Variants in SPMIP5 observed in about 807,000 individuals in gnomAD.
SPMIP5 encodes the protein sperm-associated microtubule inner protein 5.
the SPMIP5 span, among the ~76,000 whole-genome samples, chr10:116,666,618 C>G: frequency 2.0e-5 from 3 of 152,096 alleles, no homozygotes; most frequent in Non-Finnish European, 1.5e-5. Flanking sequence ...GCAATCCTCA[C>G]CCCCAGAGCC....
chr10:116,665,526 T>G, the SPMIP5 span: 1 of 1,281,076 alleles, frequency 7.8e-7, no homozygotes, highest in Non-Finnish European at 1.1e-6. Flanking sequence ...GGATTCTGGG[T>G]GCTATGGGGC....
At chr10:116,668,632 T>C in the SPMIP5 span, among the ~76,000 whole-genome samples, 5 of 152,014 alleles carry the variant, frequency 3.3e-5, no homozygotes, top group Admixed American at 6.6e-5. Flanking sequence ...ACTGTACTCA[T>C]ACTATGGCTG....
chr10:116,663,815 C>G, the SPMIP5 span: 1 of 1,368,680 alleles, frequency 7.3e-7, no homozygotes, highest in Non-Finnish European at 9.5e-7. Context: ...TACTAAATTT[C>G]TTTATTGCTC....
At chr10:116,668,087 G>A in the SPMIP5 span, among the ~76,000 whole-genome samples, 2 of 152,182 alleles carry the variant, frequency 1.3e-5, no homozygotes, top group Admixed American at 6.5e-5. Flanking sequence ...CTCAGAACCC[G>A]GCCATCAGCC....
chr10:116,664,001 G>A, the SPMIP5 span: 4 of 1,547,926 alleles, frequency 2.6e-6, no homozygotes, highest in African/African-American at 1.4e-5. Flanking sequence ...CATGTCAGCG[G>A]AGTTTTGGGG....
the SPMIP5 span, chr10:116,665,339 A>G: frequency 2.7e-6 from 1 of 373,062 alleles, no homozygotes; most frequent in Non-Finnish European, 4.7e-6. Context: ...CAGGAGGCAG[A>G]GGTTGCAGTG....
the SPMIP5 span, chr10:116,664,690 A>C: frequency 2.6e-6 from 4 of 1,565,416 alleles, no homozygotes; most frequent in Admixed American, 3.7e-5. Flanking sequence ...GACATCTGGT[A>C]AACCCCCATC....
At chr10:116,666,249 C>T in the SPMIP5 span, among the ~76,000 whole-genome samples, 3 of 152,100 alleles carry the variant, frequency 2.0e-5, no homozygotes, top group African/African-American at 7.2e-5. Flanking sequence ...CTTGCCGGAC[C>T]ATCAGGAAAT....
the SPMIP5 span, among the ~76,000 whole-genome samples, chr10:116,668,736 G>A: frequency 1.3e-5 from 2 of 151,908 alleles, no homozygotes; most frequent in Non-Finnish European, 2.9e-5. Context: ...AGAGAGATGA[G>A]GCCCGCACAC....
At chr10:116,665,479 G>T in the SPMIP5 span, 1 of 660,612 alleles carries the variant, frequency 1.5e-6, no homozygotes, top group South Asian at 3.0e-5. Context: ...TGGAGCCTTT[G>T]CATTTGGTGC....
chr10:116,667,828 G>C, the SPMIP5 span, among the ~76,000 whole-genome samples: 1 of 152,240 alleles, frequency 6.6e-6, no homozygotes, highest in Non-Finnish European at 1.5e-5. Context: ...AGGTAGACCA[G>C]GGCAGTTGGC....
the SPMIP5 span, among the ~76,000 whole-genome samples, chr10:116,662,441 C>T: frequency 3.9e-5 from 6 of 152,284 alleles, no homozygotes; most frequent in African/African-American, 1.4e-4. Context: ...TACTAAATTT[C>T]GCCTGGAGGT....
At chr10:116,662,890 G>A in the SPMIP5 span, among the ~76,000 whole-genome samples, 6 of 152,162 alleles carry the variant, frequency 3.9e-5, no homozygotes, top group African/African-American at 1.4e-4. Context: ...CTTGTAAGAA[G>A]ACGGCCGTGT....
At chr10:116,664,644 CA>C in the SPMIP5 span, 20 of 1,510,132 alleles carry the variant, frequency 1.3e-5, no homozygotes, top group Non-Finnish European at 1.8e-5. Flanking sequence ...TTCTCTAAGA[CA>C]AATCACACAC....
chr10:116,665,642 G>C, the SPMIP5 span: 1 of 1,613,952 alleles, frequency 6.2e-7, no homozygotes, highest in Admixed American at 1.7e-5. Context: ...GATTGTACTG[G>C]TGCAGGGCCT....
chr10:116,668,933 GCACACACACACACA>G, the SPMIP5 span, among the ~76,000 whole-genome samples: 3 of 135,282 alleles, frequency 2.2e-5, no homozygotes, highest in Non-Finnish European at 3.1e-5. Context: ...GCACACACAT[GCACACACACACACA>G]CACACACACA....
the SPMIP5 span, chr10:116,668,390 T>TAAG: frequency 1.5e-6 from 2 of 1,292,072 alleles, no homozygotes; most frequent in Admixed American, 1.7e-5. Context: ...GAATTACTAT[T>TAAG]GAGTGTGCAC....
At chr10:116,663,084 A>C in the SPMIP5 span, among the ~76,000 whole-genome samples, 29 of 150,946 alleles carry the variant, frequency 1.9e-4, no homozygotes, top group African/African-American at 5.6e-4. Flanking sequence ...TGGGAGGCTG[A>C]GGCAGGAGAA....
At chr10:116,667,831 C>A in the SPMIP5 span, among the ~76,000 whole-genome samples, 1 of 152,214 alleles carries the variant, frequency 6.6e-6, no homozygotes, top group Non-Finnish European at 1.5e-5. Context: ...TAGACCAGGG[C>A]AGTTGGCCAG....
Sources: gnomAD v4.1 joint callset for allele counts (sites outside exome capture counted in the v4.1 genomes callset) on GRCh38, gnomAD v4.1.1 for gene constraint, MANE v1.5 for transcripts, NCBI Gene and HGNC (gene_info 2026-07-23, HGNC 2026-07-21) for gene names.